Variants in CLDN16 observed in about 807,000 individuals in gnomAD.
CLDN16 encodes the protein claudin-16.
A neutral mutation model predicts 24.6 loss-of-function variants in CLDN16; 13 were observed. The observed-to-expected ratio is 0.53, with a 90% CI of 0.34 to 0.84. The LOEUF is 0.84. Ranked by LOEUF, CLDN16 falls within the 40% of genes least tolerant of loss-of-function variation. The pLI, the probability that CLDN16 is intolerant of heterozygous loss-of-function variation, is 0.01. For synonymous variants in CLDN16, 116 were observed against 106.7 expected, an observed-to-expected ratio of 1.09 and a Z score of -0.54; for missense variants, 298 against 292.7, an observed-to-expected ratio of 1.02 and a Z score of -0.13.
At chr3:190,336,114 A>T (rs2108626360) in intron 1 of CLDN16, among the ~76,000 whole-genome samples, 1 of 152,318 alleles carries the variant, frequency 6.6e-6, no homozygotes, top group Non-Finnish European at 1.5e-5. Context: ...TCAGGAGAAA[A>T]AAAAATGACT....
intron 1 of CLDN16, among the ~76,000 whole-genome samples, chr3:190,351,305 A>G (rs1236856502): frequency 1.3e-5 from 2 of 152,106 alleles, no homozygotes; most frequent in Non-Finnish European, 2.9e-5. Context: ...GTTCCTTTAC[A>G]GCAATGCAAA....
rs536839583 is a variant in CLDN16, at chr3:190,349,334, A to T, written n.122-21559A>T. On this transcript the variant is annotated intron_variant and non_coding_transcript_variant, in intron 1 of 4. Coordinates refer to the CLDN16 transcript ENST00000468220. ...TTCACTCCTTCTCTCCTGCCACCAC[A>T]TGAAGACATGCTTGCTTCCCCTTGG... Among the ~76,000 whole-genome samples, 82 of 152,130 alleles carry T rather than the reference A, an allele frequency of 5.4e-4. 1 individual carries two copies. The highest frequency in any genetic ancestry group is 9.8e-4 in the Non-Finnish European group (67 of 68,024).
chr3:190,343,978 G>A (rs1439572044), intron 1 of CLDN16, among the ~76,000 whole-genome samples: 1 of 151,980 alleles, frequency 6.6e-6, no homozygotes, highest in African/African-American at 2.4e-5. Flanking sequence ...ACATGTGATA[G>A]GGCGAATAAT....
At chr3:190,366,074 T>G (rs1341998364) in intron 1 of CLDN16, among the ~76,000 whole-genome samples, 1 of 151,952 alleles carries the variant, frequency 6.6e-6, no homozygotes, top group African/African-American at 2.4e-5. Context: ...TTAAAGATCC[T>G]ACTTCTCAAT....
At chr3:190,339,570 T>C (rs1002234984) in intron 1 of CLDN16, among the ~76,000 whole-genome samples, 1 of 152,212 alleles carries the variant, frequency 6.6e-6, no homozygotes, top group Non-Finnish European at 1.5e-5. Context: ...TGAAAAGGGC[T>C]AGAAGTTTAA....
chr3:190,371,434 G>A (rs1457305779), intron 2 of CLDN16, among the ~76,000 whole-genome samples: 1 of 151,768 alleles, frequency 6.6e-6, no homozygotes, highest in African/African-American at 2.4e-5. Context: ...TCACTGCCAT[G>A]CCAGGATATA....
intron 1 of CLDN16, among the ~76,000 whole-genome samples, chr3:190,341,118 G>A (rs1717422665): frequency 6.6e-6 from 1 of 152,122 alleles, no homozygotes; most frequent in Admixed American, 6.5e-5. Flanking sequence ...CACAGTGCAA[G>A]CCGTCAGTGG....
At chr3:190,338,372 G>A (rs575397098) in intron 1 of CLDN16, among the ~76,000 whole-genome samples, 4 of 152,272 alleles carry the variant, frequency 2.6e-5, no homozygotes, top group East Asian at 1.9e-4. Context: ...GTGTAGTGGC[G>A]TATTTTAGCC....
At position 190,404,813 on chromosome 3, in the gene CLDN16, G is replaced by A. The variant is rs1577430719; in HGVS notation, c.269G>A (p.Gly90Glu). Reference sequence around the variant, plus strand: ...ATGATTACTGCAGATATTCTAGCTGGGTTTGGATTTCTCACCCTGCTCCTT... The same window carrying A: ...ATGATTACTGCAGATATTCTAGCTGAGTTTGGATTTCTCACCCTGCTCCTT... ...ALMITADILA[G>E]FGFLTLLLGL... is the part of the protein sequence containing the mutation. The change falls in exon 3 of 5, where the codon GGG (glycine) becomes GAG (glutamate). Residue 90 changes from glycine (G) to glutamate (E), a missense_variant. Coordinates refer to ENST00000264734, the MANE Select transcript of CLDN16 (RefSeq NM_006580.4). The A allele has an allele frequency of 1.2e-6, 2 of 1,614,094 alleles. No homozygotes were observed. Among genetic ancestry groups the A allele is most frequent in the East Asian group, 4.5e-5 (2 of 44,868 alleles).
At chr3:190,391,817 CA>C (rs980959243) in intron 1 of CLDN16, among the ~76,000 whole-genome samples, 47 of 152,164 alleles carry the variant, frequency 3.1e-4, no homozygotes, top group African/African-American at 1.1e-3. Context: ...ACGATGTGCA[CA>C]ACCCTACATC....
chr3:190,330,324 G>A (rs16865382), intron 1 of CLDN16, among the ~76,000 whole-genome samples: 6,990 of 152,166 alleles, frequency 0.046, 204 homozygotes, highest in South Asian at 0.082. Context: ...ATAGTAACTA[G>A]TTGTGATCCA....
At chr3:190,391,673 G>A (rs1392785435) in intron 1 of CLDN16, among the ~76,000 whole-genome samples, 1 of 152,140 alleles carries the variant, frequency 6.6e-6, no homozygotes, top group Non-Finnish European at 1.5e-5. Flanking sequence ...CTTGTTAGAG[G>A]ACTAAAGTGG....
At chr3:190,376,710 G>A (rs1413293731) in intron 3 of CLDN16, among the ~76,000 whole-genome samples, 1 of 151,884 alleles carries the variant, frequency 6.6e-6, no homozygotes, top group Non-Finnish European at 1.5e-5. Flanking sequence ...AGAAATGTAA[G>A]GCATTTCTCT....
chr3:190,301,282 G>A, the CLDN16 span, among the ~76,000 whole-genome samples: 1 of 152,090 alleles, frequency 6.6e-6, no homozygotes, highest in Non-Finnish European at 1.5e-5. Context: ...ATTACCTGAG[G>A]TCAGGAGTTC....
chr3:190,383,262 A>C (rs1178105423), upstream of CLDN16, among the ~76,000 whole-genome samples: 1 of 152,128 alleles, frequency 6.6e-6, no homozygotes, highest in Non-Finnish European at 1.5e-5. Context: ...ACTGAGTACC[A>C]CTTTTATGTC....
rs1719296811 is a variant in CLDN16 at position 190,411,969 on chromosome 3, C to T, written c.*1933C>T. 1 of 151,648 alleles carries T rather than the reference C, an allele frequency of 6.6e-6. No individual in the cohort carries two copies. The highest frequency in any genetic ancestry group is 1.5e-5 in the Non-Finnish European group (1 of 67,906). The allele number at this position is 151,648 out of a possible 1,614,324, so 9.4% of individuals were successfully genotyped here. A position where few individuals can be genotyped will look rare whatever the true frequency, so the allele number is the denominator to read the frequency against. ...GTATTCCAATAAGTGTCTTGAAATC[C>T]TTGTGGGGAAAGGCAGGACAAAAAT... On this transcript the variant is annotated 3_prime_UTR_variant, in exon 5 of 5. Coordinates refer to ENST00000264734, the MANE Select transcript of CLDN16 (RefSeq NM_006580.4).
At chr3:190,291,933 C>A in the CLDN16 span, among the ~76,000 whole-genome samples, 1 of 152,148 alleles carries the variant, frequency 6.6e-6, no homozygotes, top group Admixed American at 6.5e-5. Flanking sequence ...ATTAAGGGGG[C>A]GGGCCCCCAC....
intron 3 of CLDN16, among the ~76,000 whole-genome samples, chr3:190,375,409 G>A (rs1235024877): frequency 6.6e-6 from 1 of 151,904 alleles, no homozygotes; most frequent in Non-Finnish European, 1.5e-5. Flanking sequence ...GCCATTGCAG[G>A]AACTCAGATG....
At chr3:190,391,766 A>G (rs1174641081) in intron 1 of CLDN16, among the ~76,000 whole-genome samples, 1 of 152,198 alleles carries the variant, frequency 6.6e-6, no homozygotes, top group African/African-American at 2.4e-5. Flanking sequence ...AGTTCTTCGT[A>G]TTAGGTAAAA....
Sources: allele counts gnomAD v4.1 joint callset (sites outside exome capture counted in the v4.1 genomes callset), GRCh38; gene constraint gnomAD v4.1.1; transcripts MANE v1.5; gene names NCBI Gene and HGNC (gene_info 2026-07-23, HGNC 2026-07-21).